CNTN5: variants seen among roughly 807,000 people sequenced by gnomAD.
CNTN5 encodes the protein contactin-5.
CNTN5 carries 77 observed loss-of-function variants against 129.1 expected under a neutral mutation model. The ratio of observed to expected loss-of-function variants is 0.60; its 90% CI spans 0.50 to 0.72. CNTN5 has a LOEUF of 0.72. CNTN5 is among the 30% of genes least tolerant of loss of function. CNTN5 has a pLI of 0.00. For missense variants in CNTN5, 1,478 were observed against 1,328.8 expected, an observed-to-expected ratio of 1.11 and a Z score of -1.75; for synonymous variants, 509 against 465.6, an observed-to-expected ratio of 1.09 and a Z score of -1.20.
chr11:99,646,728 A>G (rs1460672975), intron 3 of CNTN5, among the ~76,000 whole-genome samples: 1 of 151,924 alleles, frequency 6.6e-6, no homozygotes, highest in African/African-American at 2.4e-5. Flanking sequence ...GAAATTGACA[A>G]TATGTGTAAA....
chr11:99,189,230 C>T (rs1475831303), intron 1 of CNTN5, among the ~76,000 whole-genome samples: 1 of 151,494 alleles, frequency 6.6e-6, no homozygotes, highest in Non-Finnish European at 1.5e-5. Flanking sequence ...CATAAATATA[C>T]ATTTATACAT....
At chr11:100,006,722 T>G (rs186789145) in intron 9 of CNTN5, among the ~76,000 whole-genome samples, 40 of 151,994 alleles carry the variant, frequency 2.6e-4, no homozygotes, top group African/African-American at 9.4e-4. Context: ...TCTTCCAAAT[T>G]CCTATTAATA....
At chr11:100,346,114 G>C (rs1461594443) in intron 23 of CNTN5, among the ~76,000 whole-genome samples, 1 of 152,120 alleles carries the variant, frequency 6.6e-6, no homozygotes, top group East Asian at 1.9e-4. Flanking sequence ...AAATGATTGG[G>C]AAAATGAAAC....
At chr11:100,002,761 G>C (rs895556089) in intron 9 of CNTN5, among the ~76,000 whole-genome samples, 8 of 152,092 alleles carry the variant, frequency 5.3e-5, no homozygotes, top group Non-Finnish European at 1.2e-4. Context: ...GATGTTTACA[G>C]TATAGGTATT....
chr11:99,556,209 C>T lies in CNTN5; in HGVS notation c.-6C>T. On this transcript the variant is annotated 5_prime_UTR_variant, in exon 3 of 25. Transcript: ENST00000524871. The stretch of plus-strand genomic sequence containing the variant: ...ATTGAGACACAGAAGATTCTAGTGA[C>T]TGAGGATGGCTTCCTCTTGGAAACT... 6.6e-7 allele frequency: 1 copy of T among 1,506,226 alleles called. No individual in the cohort carries two copies. The highest frequency in any genetic ancestry group is 9.0e-7 in the Non-Finnish European group (1 of 1,116,984). The allele number at this position is 1,506,226 out of a possible 1,614,324, so 93.3% of individuals were successfully genotyped here.
intron 13 of CNTN5, among the ~76,000 whole-genome samples, chr11:100,104,125 T>G (rs1945331623): frequency 6.6e-6 from 1 of 150,970 alleles, no homozygotes; most frequent in Non-Finnish European, 1.5e-5. Flanking sequence ...GGCAGAGTCT[T>G]TCTCTGTCAC....
chr11:99,104,763 G>A (rs1017596249), intron 1 of CNTN5, among the ~76,000 whole-genome samples: 1 of 151,942 alleles, frequency 6.6e-6, no homozygotes, highest in African/African-American at 2.4e-5. Flanking sequence ...TCAGGACTGG[G>A]GTGAGGTGAA....
At chr11:99,545,407 C>A (rs1948257395) in intron 2 of CNTN5, among the ~76,000 whole-genome samples, 1 of 152,134 alleles carries the variant, frequency 6.6e-6, no homozygotes, top group African/African-American at 2.4e-5. Flanking sequence ...ATTAAAAGCC[C>A]AATTTAGCCA....
At chr11:100,206,282 T>C (rs1030761172) in intron 15 of CNTN5, among the ~76,000 whole-genome samples, 2 of 152,150 alleles carry the variant, frequency 1.3e-5, no homozygotes, top group African/African-American at 4.8e-5. Context: ...TGATGAAATA[T>C]GGGAGATACT....
rs1390268554 is a variant in CNTN5, at chr11:99,702,187, C to T, written c.56-117357C>T. Among the ~76,000 whole-genome samples the T allele has an allele frequency of 2.0e-5, 3 of 150,930 alleles. No individual in the cohort carries two copies. The East Asian group carries it at 5.8e-4, about 29-fold the overall frequency. On this transcript the variant is annotated intron_variant, in intron 3 of 24. Transcript: ENST00000524871. Reference sequence around the variant, plus strand: ...AAATCTAATTTTCCATTTTTATGCACAAGTTATTTGCAGCCCCAGTTTATT... The same window carrying T: ...AAATCTAATTTTCCATTTTTATGCATAAGTTATTTGCAGCCCCAGTTTATT...
chr11:99,062,673 G>GA (rs1436402305), intron 1 of CNTN5, among the ~76,000 whole-genome samples: 1 of 151,768 alleles, frequency 6.6e-6, no homozygotes, highest in African/African-American at 2.4e-5. Flanking sequence ...AGCATTGAAG[G>GA]GGGTACATTA....
chr11:99,187,481 A>G lies in CNTN5; in HGVS notation c.-209-137865A>G, dbSNP rs117035885. 3.1e-3 allele frequency among the ~76,000 whole-genome samples: 474 copies of G among 151,998 alleles called. 3 individuals carry two copies. Among genetic ancestry groups the G allele is most frequent in the Non-Finnish European group, 3.9e-3 (268 of 67,866 alleles). On this transcript the variant is annotated intron_variant, in intron 1 of 24. Transcript: ENST00000524871. ...TAAAATAACATGTCTCCTTCCATGT[A>G]TCTTAACATGAATTAAAATAACAAA...
At chr11:99,955,731 T>A (rs969841414) in intron 7 of CNTN5, among the ~76,000 whole-genome samples, 1 of 151,974 alleles carries the variant, frequency 6.6e-6, no homozygotes, top group African/African-American at 2.4e-5. Context: ...GCTAATTTTT[T>A]TTTTTTTAAT....
intron 9 of CNTN5, among the ~76,000 whole-genome samples, chr11:100,024,935 G>T (rs1941343181): frequency 6.6e-6 from 1 of 152,196 alleles, no homozygotes; most frequent in African/African-American, 2.4e-5. Context: ...GCCTGACAAT[G>T]CGATAGAAAA....
intron 1 of CNTN5, among the ~76,000 whole-genome samples, chr11:99,205,128 A>G (rs886809285): frequency 1.4e-4 from 21 of 150,346 alleles, no homozygotes. Context: ...CTTCTTTAGA[A>G]TTGATTTAGA....
At chr11:99,641,122 G>A (rs1467547571) in intron 3 of CNTN5, among the ~76,000 whole-genome samples, 3 of 152,212 alleles carry the variant, frequency 2.0e-5, no homozygotes, top group Non-Finnish European at 1.5e-5. Flanking sequence ...GAAACAGATG[G>A]CTGTGAAGAG....
intron 1 of CNTN5, among the ~76,000 whole-genome samples, chr11:99,301,720 T>C (rs1864648239): frequency 6.6e-6 from 1 of 151,720 alleles, no homozygotes; most frequent in Non-Finnish European, 1.5e-5. Context: ...ACATGTACAA[T>C]TCTATAAACC....
intron 9 of CNTN5, among the ~76,000 whole-genome samples, chr11:100,007,437 T>C (rs763445811): frequency 3.3e-5 from 5 of 152,122 alleles, no homozygotes; most frequent in Non-Finnish European, 7.4e-5. Context: ...GCCATTTCCA[T>C]CAATTATCTT....
chr11:99,730,056 A>G (rs1466599161), intron 3 of CNTN5, among the ~76,000 whole-genome samples: 2 of 152,130 alleles, frequency 1.3e-5, no homozygotes, highest in Non-Finnish European at 2.9e-5. Context: ...CCCAGAAGTA[A>G]AAGTTGAATT....
Sources: allele counts gnomAD v4.1 joint callset (sites outside exome capture counted in the v4.1 genomes callset), GRCh38; gene constraint gnomAD v4.1.1; transcripts MANE v1.5; gene names NCBI Gene and HGNC (gene_info 2026-07-23, HGNC 2026-07-21).